DCUN1D5: variants seen among roughly 807,000 people sequenced by gnomAD.
The protein encoded by DCUN1D5 is defective in cullin neddylation 1 domain containing 5.
DCUN1D5 carries 10 observed loss-of-function variants against 38.3 expected under a neutral mutation model. The observed-to-expected ratio is 0.26, with a 90% CI of 0.16 to 0.44. The LOEUF (loss-of-function observed/expected upper bound fraction) is 0.44. Among genes scored for constraint, DCUN1D5 ranks in the 20% least tolerant of loss-of-function variants. DCUN1D5 has a pLI of 1.00. For missense variants in DCUN1D5, 148 were observed against 275.3 expected (o/e 0.54, Z 3.27); for synonymous variants, 93 against 90.9 (o/e 1.02, Z -0.13).
At position 103,061,271 on chromosome 11, in the gene DCUN1D5, G is replaced by C. The variant is rs575488600; in HGVS notation, c.*1088C>G. The stretch of plus-strand genomic sequence containing the variant: ...TGACACTAGAAATGTTTCTGAAGTT[G>C]TGACTGGGCTATGAATATGAACAAA... On this transcript the variant is annotated 3_prime_UTR_variant, in exon 8 of 8. Transcript: ENST00000260247. Among the ~76,000 whole-genome samples the C allele has an allele frequency of 1.3e-5, 2 of 152,202 alleles. No homozygotes were observed. The highest frequency in any genetic ancestry group is 4.1e-4 in the South Asian group (2 of 4,826).
chr11:103,064,465 T>G lies in DCUN1D5; in HGVS notation c.556-88A>C. The stretch of plus-strand genomic sequence containing the variant: ...GTAAACTAAGTTTTAACTGTTTTTG[T>G]GATTTGGTTTTTTCTAAAACATTTA... On this transcript the variant is annotated intron_variant, in intron 6 of 7. Coordinates refer to ENST00000260247, the MANE Select transcript of DCUN1D5 (RefSeq NM_032299.4). The surrounding 1 kb of genome is among the most constrained non-coding windows in gnomAD (Gnocchi z 4.5). The G allele has an allele frequency of 9.4e-7, 1 of 1,061,274 alleles. No homozygotes were observed. Among genetic ancestry groups the G allele is most frequent in the Non-Finnish European group, 1.3e-6 (1 of 764,558 alleles). The allele number at this position is 1,061,274 out of a possible 1,614,324, so 65.7% of individuals were successfully genotyped here.
Position 103,073,703 on chromosome 11 carries a change from A to G in DCUN1D5, c.342-7136T>C, listed in dbSNP as rs1218184538. On this transcript the variant is annotated intron_variant, in intron 4 of 7. Coordinates refer to ENST00000260247, the MANE Select transcript of DCUN1D5 (RefSeq NM_032299.4). The surrounding 1 kb of genome is among the most constrained non-coding windows in gnomAD (Gnocchi z 4.2). ...TAAAATTTAATAATGGAAGGCTTCTAGAAAAATACATGAGAAAATTCTCAT... is the reference window on the plus strand; with the variant it reads ...TAAAATTTAATAATGGAAGGCTTCTGGAAAAATACATGAGAAAATTCTCAT... Among the ~76,000 whole-genome samples the G allele has an allele frequency of 6.6e-6, 1 of 152,248 alleles. No homozygotes were observed. Among genetic ancestry groups the G allele is most frequent in the Non-Finnish European group, 1.5e-5 (1 of 68,042 alleles).
chr11:103,082,738 A>G lies in DCUN1D5; in HGVS notation c.341+10T>C. 2 of 1,592,630 alleles carry G rather than the reference A, an allele frequency of 1.3e-6. No homozygotes were observed. The highest frequency in any genetic ancestry group is 1.7e-6 in the Non-Finnish European group (2 of 1,168,070). On this transcript the variant is annotated intron_variant, in intron 4 of 7. Transcript: ENST00000260247. ...GGCCATCAAATTTGTTTTTTAAAAA[A>G]ATTTCTTACTGTAATGAAGTCATTC...
chr11:103,087,676 G>A lies in DCUN1D5; in HGVS notation c.178+1551C>T, dbSNP rs1050152426. ...AAAAATAAAGTCGTAGTGGGAGGTG[G>A]TGATAATACTACCTACTTAATAGAA... On this transcript the variant is annotated intron_variant, in intron 2 of 7. Coordinates refer to ENST00000260247, the MANE Select transcript of DCUN1D5 (RefSeq NM_032299.4). The surrounding 1 kb of genome is among the most constrained non-coding windows in gnomAD (Gnocchi z 4.1). 1.3e-5 allele frequency among the ~76,000 whole-genome samples: 2 copies of A among 152,116 alleles called. No individual in the cohort carries two copies. The highest frequency in any genetic ancestry group is 6.6e-5 in the Admixed American group (1 of 15,266).
rs1156377278 is a variant in DCUN1D5 at position 103,063,254 on chromosome 11, A to T, written c.659-840T>A. The stretch of plus-strand genomic sequence containing the variant: ...TGACTCCAGCCTCTGACTCCTATAA[A>T]GGAGTACTATAAAGGTACAGTTTTG... On this transcript the variant is annotated intron_variant, in intron 7 of 7. Coordinates refer to ENST00000260247, the MANE Select transcript of DCUN1D5 (RefSeq NM_032299.4). This position sits in a 1 kb window ranked among gnomAD's most constrained non-coding sequence, Gnocchi z 4.6. Among the ~76,000 whole-genome samples the T allele has an allele frequency of 6.6e-6, 1 of 152,182 alleles. No individual in the cohort carries two copies. Among genetic ancestry groups the T allele is most frequent in the Non-Finnish European group, 1.5e-5 (1 of 67,998 alleles).
In DCUN1D5 at chr11:103,066,272, C is replaced by G; in HGVS notation, c.552G>C (p.Leu184=). The G allele has an allele frequency of 6.3e-7, 1 of 1,578,232 alleles. No individual in the cohort carries two copies. The highest frequency in any genetic ancestry group is 8.6e-7 in the Non-Finnish European group (1 of 1,161,462). The change falls in exon 6 of 8, where the codon CTG becomes CTC. Residue 184 remains leucine (L), a synonymous_variant. Coordinates refer to ENST00000260247, the MANE Select transcript of DCUN1D5 (RefSeq NM_032299.4). The surrounding 1 kb of genome is among the most constrained non-coding windows in gnomAD (Gnocchi z 4.7). ...WPLFSVFYQY[L]EQSKYRVMNK... ...AAATTCGAAAAAACATACGTACCTCCAGGTACTGGTAAAATACTGAAAACA... is the reference window on the plus strand; with the variant it reads ...AAATTCGAAAAAACATACGTACCTCGAGGTACTGGTAAAATACTGAAAACA...
chr11:103,079,276 G>A (rs1862491132), intron 4 of DCUN1D5, among the ~76,000 whole-genome samples: 1 of 152,152 alleles, frequency 6.6e-6, no homozygotes, highest in Non-Finnish European at 1.5e-5. Flanking sequence ...GATCCCTGGT[G>A]CCAAAAAGGT....
chr11:103,052,370 T>C lies in DCUN1D5; in HGVS notation c.*9989A>G, dbSNP rs1004071768. 2 of 152,200 alleles carry C rather than the reference T, an allele frequency of 1.3e-5. No homozygotes were observed. The highest frequency in any genetic ancestry group is 1.3e-4 in the Admixed American group (2 of 15,270). 9.4% of individuals were successfully genotyped at this position (152,200 alleles called of 1,614,324 possible). ...ATACGGTCCATTTCTTTTAAGTAAC[T>C]TGCAGTCTAGGATCAAAGAGAGACG... On this transcript the variant is annotated 3_prime_UTR_variant, in exon 8 of 8. Coordinates refer to ENST00000260247, the MANE Select transcript of DCUN1D5 (RefSeq NM_032299.4).
At chr11:103,082,034 A>G (rs937166545) in intron 4 of DCUN1D5, among the ~76,000 whole-genome samples, 3 of 152,124 alleles carry the variant, frequency 2.0e-5, no homozygotes, top group Non-Finnish European at 4.4e-5. Context: ...TAGAATGTTG[A>G]TAACTAATAC....
Position 103,065,434 on chromosome 11 carries a change from G to A in DCUN1D5, c.555+835C>T. Among the ~76,000 whole-genome samples the A allele has an allele frequency of 6.6e-6, 1 of 152,166 alleles. No individual in the cohort carries two copies. The highest frequency in any genetic ancestry group is 1.9e-4 in the East Asian group (1 of 5,198). The stretch of plus-strand genomic sequence containing the variant: ...GGCCTCCCAACGTGCTGGGATTACA[G>A]GCGTGTGCCACCACGCCCAGCTGAT... On this transcript the variant is annotated intron_variant, in intron 6 of 7. Transcript: ENST00000260247. The surrounding 1 kb of genome is among the most constrained non-coding windows in gnomAD (Gnocchi z 4.6).
intron 4 of DCUN1D5, among the ~76,000 whole-genome samples, chr11:103,074,559 C>T (rs1010198116): frequency 6.6e-6 from 1 of 152,170 alleles, no homozygotes; most frequent in African/African-American, 2.4e-5. Flanking sequence ...GCGTGCACCA[C>T]CACATCCAGC....
rs546898146 is a variant in DCUN1D5, at chr11:103,091,768, G to A, written c.86+19C>T. ...AAAGGAGGGAGGAGGGAAGCTTGAAGGGTGGGGGGAGATGGTACCTGGAGA... is the reference window on the plus strand; with the variant it reads ...AAAGGAGGGAGGAGGGAAGCTTGAAAGGTGGGGGGAGATGGTACCTGGAGA... On this transcript the variant is annotated intron_variant, in intron 1 of 7. Transcript: ENST00000260247. The surrounding 1 kb of genome is among the most constrained non-coding windows in gnomAD (Gnocchi z 4.3). 6.8e-6 allele frequency: 11 copies of A among 1,614,006 alleles called. No individual in the cohort carries two copies. The Admixed American group carries it at 1.7e-4, about 24-fold the overall frequency.
intron 4 of DCUN1D5, among the ~76,000 whole-genome samples, chr11:103,072,378 A>ATCT (rs1862299783): frequency 6.6e-6 from 1 of 151,870 alleles, no homozygotes; most frequent in African/African-American, 2.4e-5. Context: ...CTAGAACTAG[A>ATCT]AATACCATTT....
intron 4 of DCUN1D5, among the ~76,000 whole-genome samples, chr11:103,067,117 G>A (rs550344784): frequency 6.6e-4 from 101 of 152,254 alleles, no homozygotes; most frequent in African/African-American, 2.3e-3. Flanking sequence ...ATCAGTAGAA[G>A]CACCTAACTT....
intron 4 of DCUN1D5, among the ~76,000 whole-genome samples, chr11:103,079,529 G>C (rs1366799008): frequency 1.3e-5 from 2 of 151,724 alleles, no homozygotes; most frequent in African/African-American, 4.8e-5. Flanking sequence ...CCAGGAGTTT[G>C]AGACCAACCT....
chr11:103,082,654 G>T, intron 4 of DCUN1D5, 94 bp downstream of exon 4: 1 of 820,738 alleles, frequency 1.2e-6, no homozygotes, highest in Non-Finnish European at 2.0e-6. Context: ...TTTGATTTAA[G>T]GTGAAACCTT....
chr11:103,069,611 T>G (rs1862221933), intron 4 of DCUN1D5, among the ~76,000 whole-genome samples: 1 of 152,148 alleles, frequency 6.6e-6, no homozygotes, highest in Non-Finnish European at 1.5e-5. Flanking sequence ...GGAGGCCTAG[T>G]GAAGGGTCAG....
At chr11:103,080,467 G>C (rs929930346) in intron 4 of DCUN1D5, among the ~76,000 whole-genome samples, 1 of 151,968 alleles carries the variant, frequency 6.6e-6, no homozygotes, top group African/African-American at 2.4e-5. Flanking sequence ...GCCAATTGAA[G>C]AAAAACACTT....
intron 4 of DCUN1D5, among the ~76,000 whole-genome samples, chr11:103,075,604 A>T (rs1320024047): frequency 6.6e-6 from 1 of 152,080 alleles, no homozygotes; most frequent in Non-Finnish European, 1.5e-5. Context: ...CTAGTCTCAA[A>T]CTCTTGACCT....
Sources: gnomAD v4.1 joint callset for allele counts (sites outside exome capture counted in the v4.1 genomes callset) on GRCh38, gnomAD v4.1.1 for gene constraint, Gnocchi (gnomAD v3.1) non-coding constraint, MANE v1.5 for transcripts, NCBI Gene and HGNC (gene_info 2026-07-23, HGNC 2026-07-21) for gene names.